UGT2B28: variants seen among roughly 807,000 people sequenced by gnomAD.
The protein encoded by UGT2B28 is UDP glucuronosyltransferase family 2 member B28, also known as UDP-glucuronosyltransferase 2B28.
Under a neutral mutation model 43.6 loss-of-function variants are expected in UGT2B28, and 45 were observed. That is an observed-to-expected ratio of 1.03 (90% CI 0.81 to 1.32). The LOEUF (loss-of-function observed/expected upper bound fraction) is 1.32. Among genes scored for constraint, UGT2B28 ranks in the 40% most tolerant of loss-of-function variants. The probability of loss-of-function intolerance (pLI) is 0.00; values close to 1 mark genes in which losing one functional copy is unlikely to be tolerated. For missense variants in UGT2B28, 649 were observed against 625.5 expected (o/e 1.04, Z -0.40); for synonymous variants, 204 against 208.1 (o/e 0.98, Z 0.17).
rs1270776856 is a variant in UGT2B28, at chr4:69,285,394, T to C, written c.871-1358T>C. ...AGCAACAACCCGTCAATATCAGTGA[T>C]GAATCTCTAAACAGAGGTTAGATTC... On this transcript the variant is annotated intron_variant, in intron 2 of 5. Coordinates refer to ENST00000335568, the MANE Select transcript of UGT2B28 (RefSeq NM_053039.2). 1.4e-5 allele frequency among the ~76,000 whole-genome samples: 2 copies of C among 140,130 alleles called. 1 individual carries two copies. 91.9% of individuals were successfully genotyped at this position (140,130 alleles called of 152,430 possible).
At chr4:69,291,816 C>T (rs1172657510) in intron 5 of UGT2B28, among the ~76,000 whole-genome samples, 1 of 140,254 alleles carries the variant, frequency 7.1e-6, no homozygotes, top group Non-Finnish European at 1.5e-5. Flanking sequence ...AGTAATTGTT[C>T]CATTCATCAC....
intron 5 of UGT2B28, among the ~76,000 whole-genome samples, chr4:69,291,017 G>A (rs10000077): frequency 0.46 from 64,054 of 138,174 alleles, 20,432 homozygotes; most frequent in Non-Finnish European, 0.53. Flanking sequence ...AGTTAGTGAA[G>A]CAATTTTCTA....
rs1385615706 is a variant in UGT2B28, at chr4:69,290,624, G to A, written c.1123G>A (p.Gly375Ser). The A allele has an allele frequency of 8.3e-6, 13 of 1,559,076 alleles. 1 individual carries two copies. Among genetic ancestry groups the A allele is most frequent in the Non-Finnish European group, 1.1e-5 (13 of 1,154,956 alleles). ...AAAAACCAGAGCTTTTATAACTCATGGTGGAGCCAATGGCATCTATGAGGC... is the reference window on the plus strand; with the variant it reads ...AAAAACCAGAGCTTTTATAACTCATAGTGGAGCCAATGGCATCTATGAGGC... ...LPKTRAFITH[G>S]GANGIYEAIY... Residue 375 changes from glycine (G) to serine (S), a missense_variant, in exon 5 of 6, where the codon GGT (glycine) becomes AGT (serine). Transcript: ENST00000335568.
At chr4:69,292,203 A>T (rs1723975207) in intron 5 of UGT2B28, among the ~76,000 whole-genome samples, 1 of 140,260 alleles carries the variant, frequency 7.1e-6, no homozygotes, top group Admixed American at 7.1e-5. Context: ...AAAAAATATA[A>T]TTTTAAGTTA....
rs374882929 is a variant in UGT2B28 at position 69,288,838 on chromosome 4, T to C, written c.1003-827T>C. Among the ~76,000 whole-genome samples the C allele has an allele frequency of 1.4e-5, 2 of 140,706 alleles. 1 individual carries two copies. The highest frequency in any genetic ancestry group is 5.6e-5 in the African/African-American group (2 of 35,996). The allele number at this position is 140,706 out of a possible 152,430, so 92.3% of individuals were successfully genotyped here. A position where few individuals can be genotyped will look rare whatever the true frequency, so the allele number is the denominator to read the frequency against. ...TAGCTTCCACTCAAAAGTGAGGACA[T>C]GTCACATTTGGATTTCAATTCCTGT... On this transcript the variant is annotated intron_variant, in intron 3 of 5. Transcript: ENST00000335568.
chr4:69,289,805 G>T lies in UGT2B28; in HGVS notation c.1090+53G>T. On this transcript the variant is annotated intron_variant, in intron 4 of 5. Transcript: ENST00000335568. ...TATATTAGTAACTGCACATTAGAAT[G>T]TTAATAGTTTATCTTGAAACATGCT... The T allele has an allele frequency of 3.5e-6, 5 of 1,417,282 alleles. 1 individual carries two copies. The highest frequency in any genetic ancestry group is 4.8e-6 in the Non-Finnish European group (5 of 1,051,856). 87.8% of individuals were successfully genotyped at this position (1,417,282 alleles called of 1,614,324 possible). A position where few individuals can be genotyped will look rare whatever the true frequency, so the allele number is the denominator to read the frequency against.
chr4:69,288,233 G>A (rs1723837577), intron 3 of UGT2B28, among the ~76,000 whole-genome samples: 1 of 138,280 alleles, frequency 7.2e-6, no homozygotes, highest in Non-Finnish European at 1.5e-5. Context: ...ATTTTTCTTG[G>A]AAGTAGTGCT....
Position 69,290,338 on chromosome 4 carries a change from A to T in UGT2B28, c.1091-254A>T, listed in dbSNP as rs1443127938. Among the ~76,000 whole-genome samples the T allele has an allele frequency of 1.4e-5, 2 of 139,656 alleles. 1 individual carries two copies. The highest frequency in any genetic ancestry group is 3.0e-5 in the Non-Finnish European group (2 of 65,588). The allele number at this position is 139,656 out of a possible 152,430, so 91.6% of individuals were successfully genotyped here. ...TTGCTGTCCTCTTTTGTGCACATTT[A>T]AAAAATCTAGAATGCACTTTTCATT... On this transcript the variant is annotated intron_variant, in intron 4 of 5. Transcript: ENST00000335568.
rs943966037 is a variant in UGT2B28, at chr4:69,289,719, C to A, written c.1057C>A (p.Leu353Met). The A allele has an allele frequency of 1.3e-6, 2 of 1,562,564 alleles. No homozygotes were observed. Among genetic ancestry groups the A allele is most frequent in the African/African-American group, 3.0e-5 (2 of 66,500 alleles). The part of the protein sequence containing the change: ...KPDALGLNTR[L>M]YKWIPQNDLL... ...AGATGCCTTAGGTCTCAATACTCGG[C>A]TGTATAAGTGGATACCCCAGAATGA... The change falls in exon 4 of 6, where the codon CTG becomes ATG. Residue 353 changes from leucine to methionine, a missense_variant. Physicochemically the swap from Leu to Met is conservative, Grantham distance 15. Transcript: ENST00000335568.
Position 69,294,943 on chromosome 4 carries a change from T to A in UGT2B28, c.*134T>A. The stretch of plus-strand genomic sequence containing the variant: ...AAAAAAAACTTTTCAAAATCTACCT[T>A]GTCAAGTAAAAATTTGTTTTTCAGA... On this transcript the variant is annotated 3_prime_UTR_variant, in exon 6 of 6. Transcript: ENST00000335568. The A allele has an allele frequency of 8.1e-7, 1 of 1,232,522 alleles. No individual in the cohort carries two copies. The highest frequency in any genetic ancestry group is 2.8e-5 in the East Asian group (1 of 35,104). 76.3% of individuals were successfully genotyped at this position (1,232,522 alleles called of 1,614,324 possible). A position where few individuals can be genotyped will look rare whatever the true frequency, so the allele number is the denominator to read the frequency against.
chr4:69,281,252 A>C (rs1470382536), intron 1 of UGT2B28, 31 bp downstream of exon 1: 1 of 1,465,646 alleles, frequency 6.8e-7, no homozygotes, highest in Non-Finnish European at 9.0e-7. Context: ...GAACTTGAAG[A>C]TCTAACTTAT....
chr4:69,282,629 A>G lies in UGT2B28; in HGVS notation c.837A>G (p.Gly279=), dbSNP rs1723651262. The G allele has an allele frequency of 1.3e-6, 2 of 1,551,670 alleles. 1 individual carries two copies. ...TACCAAACATTGATTTTGTTGGAGG[A>G]CTCCACTGCAAACCTGCCAAACCCC... is the stretch of plus-strand genomic sequence containing the variant. ...PFLPNIDFVG[G]LHCKPAKPLP... Residue 279 remains glycine (G), a synonymous_variant, in exon 2 of 6, where the codon GGA becomes GGG. Coordinates refer to ENST00000335568, the MANE Select transcript of UGT2B28 (RefSeq NM_053039.2).
rs556859324 is a variant in UGT2B28 at position 69,288,041 on chromosome 4, G to T, written c.1002+1158G>T. 2.9e-5 allele frequency among the ~76,000 whole-genome samples: 4 copies of T among 139,422 alleles called. 1 individual carries two copies. The highest frequency in any genetic ancestry group is 6.1e-5 in the Non-Finnish European group (4 of 65,570). 91.5% of individuals were successfully genotyped at this position (139,422 alleles called of 152,430 possible). The stretch of plus-strand genomic sequence containing the variant: ...CACTGTTGTCAAAGCTTTGTAGCAC[G>T]TTGTCTAAGTGATAATAATCAGTTG... On this transcript the variant is annotated intron_variant, in intron 3 of 5. Coordinates refer to ENST00000335568, the MANE Select transcript of UGT2B28 (RefSeq NM_053039.2).
Position 69,290,761 on chromosome 4 carries a change from G to A in UGT2B28, c.1260G>A (p.Met420Ile), listed in dbSNP as rs2109695265. 1 of 1,559,706 alleles carries A rather than the reference G, an allele frequency of 6.4e-7. No individual in the cohort carries two copies. Among genetic ancestry groups the A allele is most frequent in the East Asian group, 2.3e-5 (1 of 43,550 alleles). The stretch of plus-strand genomic sequence containing the variant: ...CTGTTAGACTGGACTTCCACACAAT[G>A]TCGAGTACAGACCTGCTGAATGCAC... Reference protein sequence around the residue: ...GAAVRLDFHTMSSTDLLNALK... With the variant: ...GAAVRLDFHTISSTDLLNALK... Residue 420 changes from methionine to isoleucine, a missense_variant, in exon 5 of 6, where the codon ATG becomes ATA. Met to Ile is a conservative substitution (Grantham distance 10). Transcript: ENST00000335568.
At chr4:69,282,412 C>T (rs1287365902) in intron 1 of UGT2B28, 102 bp from the exon 2 acceptor site, 1 of 1,260,908 alleles carries the variant, frequency 7.9e-7, no homozygotes, top group Non-Finnish European at 1.0e-6. Context: ...AGCACACAAA[C>T]TTTACCTACA....
intron 2 of UGT2B28, among the ~76,000 whole-genome samples, chr4:69,286,253 G>T (rs1291221637): frequency 7.1e-6 from 1 of 141,558 alleles, no homozygotes; most frequent in Non-Finnish European, 1.5e-5. Flanking sequence ...TATCCCAACT[G>T]TGAATAGCTT....
intron 1 of UGT2B28, among the ~76,000 whole-genome samples, chr4:69,282,310 A>G (rs1344947995): frequency 7.1e-6 from 1 of 139,928 alleles, no homozygotes; most frequent in East Asian, 2.0e-4. Flanking sequence ...TTCTCCCACC[A>G]CTTTGCCTTT....
Position 69,283,079 on chromosome 4 carries a change from T to A in UGT2B28, c.870+417T>A, listed in dbSNP as rs1232180361. ...TAGAAAAGTAACTAATGAAAATGTT[T>A]TAAAAAACTATTATCTCAAGGAAAA... On this transcript the variant is annotated intron_variant, in intron 2 of 5. Transcript: ENST00000335568. Among the ~76,000 whole-genome samples, 4 of 140,546 alleles carry A rather than the reference T, an allele frequency of 2.8e-5. 1 individual carries two copies. The highest frequency in any genetic ancestry group is 2.0e-4 in the East Asian group (1 of 4,932). The allele number at this position is 140,546 out of a possible 152,430, so 92.2% of individuals were successfully genotyped here.
rs1723561350 is a variant in UGT2B28, at chr4:69,280,513, T to C, written c.13T>C (p.Trp5Arg). The change falls in exon 1 of 6, where the codon TGG (tryptophan) becomes CGG (arginine). Residue 5 changes from tryptophan (W) to arginine (R), a missense_variant. Transcript: ENST00000335568. MALK[W>R]TSVLLLIHLG... is the part of the protein sequence containing the mutation. ...GCATTGCACCAGGATGGCTCTGAAGTGGACTTCAGTTCTTCTGCTGATACA... is the reference window on the plus strand; with the variant it reads ...GCATTGCACCAGGATGGCTCTGAAGCGGACTTCAGTTCTTCTGCTGATACA... 6.4e-7 allele frequency: 1 copy of C among 1,554,474 alleles called. No homozygotes were observed. The highest frequency in any genetic ancestry group is 1.5e-5 in the African/African-American group (1 of 65,746).
Sources: gnomAD v4.1 joint callset for allele counts (sites outside exome capture counted in the v4.1 genomes callset) on GRCh38, gnomAD v4.1.1 for gene constraint, MANE v1.5 for transcripts, NCBI Gene and HGNC (gene_info 2026-07-23, HGNC 2026-07-21) for gene names.